CPS1: variants seen among roughly 807,000 people sequenced by gnomAD.
The protein encoded by CPS1 is carbamoyl-phosphate synthase [ammonia], mitochondrial.
Under a neutral mutation model 174.6 loss-of-function variants are expected in CPS1, and 109 were observed. The ratio of observed to expected loss-of-function variants is 0.62; its 90% CI spans 0.53 to 0.73. CPS1 has a LOEUF of 0.73. CPS1 is among the 30% of genes least tolerant of loss of function. The probability of loss-of-function intolerance (pLI) is 0.00; values close to 1 mark genes in which losing one functional copy is unlikely to be tolerated. For missense variants in CPS1, 1,689 were observed against 1,821.9 expected (o/e 0.93, Z 1.33); for synonymous variants, 637 against 632.0 (o/e 1.01, Z -0.12).
intron 28 of CPS1, among the ~76,000 whole-genome samples, chr2:210,652,346 C>CTGTA (rs1700583284): frequency 1.3e-5 from 2 of 152,084 alleles, no homozygotes; most frequent in South Asian, 4.2e-4. Flanking sequence ...GATGAGTGTG[C>CTGTA]TGTAGTACAC....
rs201588736 is a variant in CPS1, at chr2:210,512,863, GAT to G, written c.3+35109_3+35110del. ...ACATATATGGAGATATATATATATAGATATATATATATAGAGATATATATATG... is the reference window on the plus strand; with the variant it reads ...ACATATATGGAGATATATATATATAGATATATATATAGAGATATATATATG... On this transcript the variant is annotated intron_variant, in intron 1 of 38. Transcript: ENST00000430249. 1.9e-3 allele frequency among the ~76,000 whole-genome samples: 66 copies of G among 35,624 alleles called. 6 individuals are homozygous for G. Among genetic ancestry groups the G allele is most frequent in the African/African-American group, 3.5e-3 (34 of 9,814 alleles). The allele number at this position is 35,624 out of a possible 152,430, so 23.4% of individuals were successfully genotyped here.
At chr2:210,655,389 C>T (rs1700671079) in intron 29 of CPS1, among the ~76,000 whole-genome samples, 1 of 152,154 alleles carries the variant, frequency 6.6e-6, no homozygotes, top group South Asian at 2.1e-4. Context: ...CAGATATCAA[C>T]TATTGCACAT....
At chr2:210,611,279 A>G (rs1699109864) in intron 19 of CPS1, among the ~76,000 whole-genome samples, 1 of 152,002 alleles carries the variant, frequency 6.6e-6, no homozygotes, top group Non-Finnish European at 1.5e-5. Context: ...CATTAGTGGT[A>G]ATTTGAGTCT....
chr2:210,615,421 T>TC (rs1159113076), intron 20 of CPS1, among the ~76,000 whole-genome samples: 1 of 152,018 alleles, frequency 6.6e-6, no homozygotes, highest in Non-Finnish European at 1.5e-5. Flanking sequence ...TCATGGTCTC[T>TC]CTGATACTAT....
At chr2:210,565,374 A>G (rs1194055611) in intron 1 of CPS1, among the ~76,000 whole-genome samples, 1 of 152,190 alleles carries the variant, frequency 6.6e-6, no homozygotes, top group Non-Finnish European at 1.5e-5. Flanking sequence ...CCAGATTCAC[A>G]ATACGTGTAG....
At chr2:210,649,987 G>C (rs1314918053) in intron 27 of CPS1, among the ~76,000 whole-genome samples, 1 of 152,194 alleles carries the variant, frequency 6.6e-6, no homozygotes, top group African/African-American at 2.4e-5. Flanking sequence ...GAAGAAACAG[G>C]TTAGGGAAAT....
chr2:210,639,966 T>G, intron 23 of CPS1, 30 bp from the exon 24 acceptor site: 1 of 1,506,266 alleles, frequency 6.6e-7, no homozygotes, highest in Non-Finnish European at 9.2e-7. Flanking sequence ...ACTTAATGAT[T>G]TCTGCATCTT....
intron 1 of CPS1, among the ~76,000 whole-genome samples, chr2:210,495,705 C>T (rs889165989): frequency 1.3e-5 from 2 of 152,140 alleles, no homozygotes; most frequent in Non-Finnish European, 2.9e-5. Flanking sequence ...TTCTTTTGTA[C>T]ACCTGTTTCC....
At chr2:210,671,667 A>G (rs1228861815) in intron 34 of CPS1, 1 of 152,168 alleles carries the variant, frequency 6.6e-6, no homozygotes, top group Non-Finnish European at 1.5e-5. Context: ...ACAAGTGTTC[A>G]ATACATGTTT....
intron 21 of CPS1, among the ~76,000 whole-genome samples, chr2:210,626,722 A>G (rs759809551): frequency 9.2e-5 from 14 of 152,150 alleles, no homozygotes; most frequent in African/African-American, 1.4e-4. Context: ...AAATTTTTGC[A>G]TTTTCTGAGA....
Position 210,579,780 on chromosome 2 carries a change from T to A in CPS1, c.528+10T>A, listed in dbSNP as rs772104742. The A allele has an allele frequency of 1.2e-6, 2 of 1,607,550 alleles. No homozygotes were observed. Among genetic ancestry groups the A allele is most frequent in the Non-Finnish European group, 1.7e-6 (2 of 1,175,540 alleles). On this transcript the variant is annotated intron_variant, in intron 5 of 37. Coordinates refer to ENST00000233072, the MANE Select transcript of CPS1 (RefSeq NM_001875.5). Reference sequence around the variant, plus strand: ...AATAATTCGGGATAAGGTATAATCATCATCTTTAGCCAAATCTATGTTTCT... The same window carrying A: ...AATAATTCGGGATAAGGTATAATCAACATCTTTAGCCAAATCTATGTTTCT...
At position 210,606,877 on chromosome 2, in the gene CPS1, T is replaced by C; in HGVS notation, c.2128T>C (p.Tyr710His). The stretch of plus-strand genomic sequence containing the variant: ...TGCCCTTCATCCTACCTCAATGGAA[T>C]ACTGCATCATTGAAGTGAATGCCAG... ...QFALHPTSME[Y>H]CIIEVNARLS... The change falls in exon 18 of 38, where the codon TAC becomes CAC. Residue 710 changes from tyrosine to histidine, a missense_variant. Physicochemically the swap from Tyr to His is moderately conservative, Grantham distance 83. Transcript: ENST00000233072. 6.2e-6 allele frequency: 10 copies of C among 1,612,652 alleles called. No individual in the cohort carries two copies. The highest frequency in any genetic ancestry group is 8.5e-6 in the Non-Finnish European group (10 of 1,179,100).
chr2:210,656,534 C>T lies in CPS1; in HGVS notation c.3568C>T (p.His1190Tyr), dbSNP rs190875241. The change falls in exon 30 of 38, where the codon CAT becomes TAT. Residue 1190 changes from histidine to tyrosine, a missense_variant. Physicochemically the swap from His to Tyr is moderately conservative, Grantham distance 83. Transcript: ENST00000233072. ...AVGKDGRVIS[H>Y]AISEHVEDAG... ...TTTTTTTTTTGGCCAGGTTATCTCT[C>T]ATGCCATCTCTGAACATGTTGAAGA... is the stretch of plus-strand genomic sequence containing the variant. The T allele has an allele frequency of 3.8e-6, 6 of 1,577,648 alleles. No individual in the cohort carries two copies. In the African/African-American group the frequency reaches 4.2e-5, roughly 11 times the overall value.
intron 1 of CPS1, among the ~76,000 whole-genome samples, chr2:210,529,668 T>A (rs1203037907): frequency 6.6e-6 from 1 of 151,914 alleles, no homozygotes; most frequent in Non-Finnish European, 1.5e-5. Flanking sequence ...AATCAATACT[T>A]CCACCAGAAG....
At chr2:210,653,406 C>T (rs749799412) in intron 28 of CPS1, among the ~76,000 whole-genome samples, 1 of 151,878 alleles carries the variant, frequency 6.6e-6, no homozygotes, top group Admixed American at 6.6e-5. Flanking sequence ...CTGAAACAGC[C>T]AAGAAAGGAA....
chr2:210,574,112 A>G (rs1365611845), intron 2 of CPS1, among the ~76,000 whole-genome samples: 4 of 152,098 alleles, frequency 2.6e-5, no homozygotes, highest in Non-Finnish European at 4.4e-5. Flanking sequence ...TCTAGTCTCA[A>G]TTCTAAGGAT....
At chr2:210,637,896 A>G in intron 22 of CPS1, 53 bp downstream of exon 22, 2 of 1,593,658 alleles carry the variant, frequency 1.3e-6, no homozygotes, top group Non-Finnish European at 1.7e-6. Flanking sequence ...TTCTGTGGTA[A>G]AACGTAGGCA....
intron 11 of CPS1, 147 bp downstream of exon 11, chr2:210,593,103 A>G (rs986768907): frequency 2.0e-5 from 16 of 812,476 alleles, no homozygotes; most frequent in African/African-American, 3.4e-5. Context: ...TTGTATTAAA[A>G]TCTCCCCATG....
intron 21 of CPS1, among the ~76,000 whole-genome samples, chr2:210,631,730 T>G (rs1226935160): frequency 6.6e-6 from 1 of 152,198 alleles, no homozygotes; most frequent in South Asian, 2.1e-4. Context: ...AGTTTGCCCT[T>G]GAACTCTCAA....
Sources: gnomAD v4.1 joint callset for allele counts (sites outside exome capture counted in the v4.1 genomes callset) on GRCh38, gnomAD v4.1.1 for gene constraint, MANE v1.5 for transcripts, NCBI Gene and HGNC (gene_info 2026-07-23, HGNC 2026-07-21) for gene names.